C18orf63: variants seen among roughly 807,000 people sequenced by gnomAD.
C18orf63 encodes the protein chromosome 18 open reading frame 63.
In C18orf63, 50 loss-of-function variants were observed where a neutral mutation model predicts 75.3. The ratio of observed to expected loss-of-function variants is 0.66; its 90% CI spans 0.53 to 0.84. The LOEUF (loss-of-function observed/expected upper bound fraction) is 0.84, where lower values mean the gene tolerates loss of function less well. Among genes scored for constraint, C18orf63 ranks in the 40% least tolerant of loss-of-function variants. The pLI is 0.00. For synonymous variants in C18orf63, 232 were observed against 267.6 expected (o/e 0.87, Z 1.30); for missense variants, 732 against 800.2 (o/e 0.91, Z 1.03).
chr18:74,320,620 T>C (rs1405848109), intron 3 of C18orf63, 29 bp downstream of exon 3: 2 of 1,314,734 alleles, frequency 1.5e-6, no homozygotes, highest in Non-Finnish European at 2.1e-6. Flanking sequence ...TGTGAAATGT[T>C]ATTACTAGTT....
chr18:74,316,362 A>G (rs1008751890), intron 1 of C18orf63, among the ~76,000 whole-genome samples: 5 of 152,140 alleles, frequency 3.3e-5, no homozygotes, highest in African/African-American at 9.7e-5. Context: ...ACTCACGTCC[A>G]TTACTGTTCT....
At position 74,357,501 on chromosome 18, in the gene C18orf63, T is replaced by C. The variant is rs2144449158; in HGVS notation, c.*1054T>C. 6.6e-6 allele frequency: 1 copy of C among 152,354 alleles called. No homozygotes were observed. The highest frequency in any genetic ancestry group is 2.1e-4 in the South Asian group (1 of 4,830). The allele number at this position is 152,354 out of a possible 1,614,324, so 9.4% of individuals were successfully genotyped here. ...TATATGTTTGATATACGAAATATTA[T>C]ATAATTGTTGTAATATATTTAAAAG... On this transcript the variant is annotated 3_prime_UTR_variant, in exon 14 of 14. Coordinates refer to ENST00000579455, the MANE Select transcript of C18orf63 (RefSeq NM_001174123.2).
intron 3 of C18orf63, among the ~76,000 whole-genome samples, chr18:74,322,247 A>G (rs1984137004): frequency 6.6e-6 from 1 of 152,180 alleles, no homozygotes; most frequent in Non-Finnish European, 1.5e-5. Flanking sequence ...CCTCACGAAC[A>G]CTGTAGATAT....
In C18orf63 at chr18:74,343,670, T is replaced by A. The variant is rs931400654; in HGVS notation, c.946T>A (p.Tyr316Asn). 2 of 1,531,706 alleles carry A rather than the reference T, an allele frequency of 1.3e-6. No homozygotes were observed. The highest frequency in any genetic ancestry group is 2.7e-5 in the African/African-American group (2 of 72,860). 94.9% of individuals were successfully genotyped at this position (1,531,706 alleles called of 1,614,324 possible). Residue 316 changes from tyrosine (Y) to asparagine (N), a missense_variant, in exon 11 of 14, where the codon TAC (tyrosine) becomes AAC (asparagine). Physicochemically the swap from Tyr to Asn is moderately radical, Grantham distance 143. Around this residue, in one of 3 missense-constraint regions of C18orf63, gnomAD observed 495 missense variants for 508.7 expected, o/e 0.97. Transcript: ENST00000579455. ...AAAGATGACAAGTAAACCATGCTAC[T>A]ACACACAAGAACTAACTAAACCTAA... ...PIKMTSKPCY[Y>N]TQELTKPNIQ...
chr18:74,343,446 A>G (rs1039310572), intron 10 of C18orf63, 73 bp from the exon 11 acceptor site: 10 of 926,452 alleles, frequency 1.1e-5, no homozygotes, highest in African/African-American at 1.7e-5. Context: ...CTACTTTACT[A>G]CTTTTTAAAA....
intron 8 of C18orf63, among the ~76,000 whole-genome samples, chr18:74,339,455 A>G (rs967681810): frequency 6.6e-6 from 1 of 152,134 alleles, no homozygotes; most frequent in African/African-American, 2.4e-5. Flanking sequence ...CAAAAATCTA[A>G]TTTAGTTTTT....
At position 74,353,931 on chromosome 18, in the gene C18orf63, TA is replaced by T. The variant is rs1219302156; in HGVS notation, c.1665del (p.Val557TrpfsTer2). 2.6e-6 allele frequency: 4 copies of T among 1,536,110 alleles called. No homozygotes were observed. In the East Asian group the frequency reaches 9.8e-5, roughly 38 times the overall value. Reference sequence around the variant, plus strand: ...GTATTTGTGGTGTCAAATAACAATTTAGGGGTGGTAAAAAGTGCTGTTGACT... The same window carrying T: ...GTATTTGTGGTGTCAAATAACAATTTGGGGTGGTAAAAAGTGCTGTTGACT... The part of the protein sequence containing the change: ...SAVFVVSNNN[L>X]GVVKSAVDFQ... On this transcript the variant is annotated frameshift_variant, in exon 12 of 14. Transcript: ENST00000579455. LOFTEE classifies it high-confidence loss of function.
chr18:74,319,741 A>T (rs1178808555), intron 2 of C18orf63, among the ~76,000 whole-genome samples: 1 of 151,604 alleles, frequency 6.6e-6, no homozygotes, highest in Non-Finnish European at 1.5e-5. Context: ...CCTGCCCACC[A>T]CCTTTTTTTT....
At chr18:74,333,990 G>A (rs1181558329) in intron 7 of C18orf63, among the ~76,000 whole-genome samples, 2 of 152,072 alleles carry the variant, frequency 1.3e-5, no homozygotes, top group African/African-American at 4.8e-5. Flanking sequence ...CATTCTGACT[G>A]CTACAAAAAT....
chr18:74,325,536 G>T (rs1047411687), intron 4 of C18orf63, among the ~76,000 whole-genome samples: 1 of 152,170 alleles, frequency 6.6e-6, no homozygotes, highest in African/African-American at 2.4e-5. Context: ...TGTTTATTGG[G>T]TCACATTGGT....
At chr18:74,329,295 G>A (rs1398187443) in intron 6 of C18orf63, among the ~76,000 whole-genome samples, 1 of 148,136 alleles carries the variant, frequency 6.8e-6, no homozygotes, top group African/African-American at 2.5e-5. Context: ...AGCCAGTTGA[G>A]CACAGGAGGT....
At chr18:74,329,512 G>C in intron 6 of C18orf63, among the ~76,000 whole-genome samples, 1 of 151,156 alleles carries the variant, frequency 6.6e-6, no homozygotes, top group Non-Finnish European at 1.5e-5. Context: ...TATTCAAAAT[G>C]TACATTCTAG....
intron 3 of C18orf63, among the ~76,000 whole-genome samples, chr18:74,321,294 C>CCT (rs984230584): frequency 4.0e-5 from 6 of 151,642 alleles, no homozygotes; most frequent in Admixed American, 3.9e-4. Flanking sequence ...TCCCTCCCTC[C>CCT]CTCTCTCTCT....
chr18:74,340,304 G>C (rs758591935), intron 8 of C18orf63, among the ~76,000 whole-genome samples: 2 of 152,226 alleles, frequency 1.3e-5, no homozygotes, highest in Non-Finnish European at 1.5e-5. Flanking sequence ...GTCACAATGA[G>C]CGATCACCTC....
chr18:74,341,942 T>A, intron 8 of C18orf63, 90 bp from the exon 9 acceptor site: 1 of 658,512 alleles, frequency 1.5e-6, no homozygotes, highest in Non-Finnish European at 2.6e-6. Context: ...AGTTGTTGAA[T>A]CTTTTTTGAA....
chr18:74,326,718 G>T (rs7242441), intron 4 of C18orf63, among the ~76,000 whole-genome samples: 4 of 152,016 alleles, frequency 2.6e-5, no homozygotes, highest in Non-Finnish European at 5.9e-5. Context: ...GCCTGATGTC[G>T]GATATGTTGT....
chr18:74,341,745 GTA>G (rs903075397), intron 8 of C18orf63, among the ~76,000 whole-genome samples: 5 of 151,160 alleles, frequency 3.3e-5, no homozygotes, highest in African/African-American at 1.2e-4. Flanking sequence ...AAAAAAAAAA[GTA>G]TGTGAGTAAA....
intron 8 of C18orf63, among the ~76,000 whole-genome samples, chr18:74,340,247 T>A (rs1984458360): frequency 6.6e-6 from 1 of 152,146 alleles, no homozygotes; most frequent in Non-Finnish European, 1.5e-5. Flanking sequence ...AACAGGTGTA[T>A]GAAAAAATGC....
chr18:74,352,034 T>C (rs1173451008), intron 11 of C18orf63, among the ~76,000 whole-genome samples: 1 of 151,910 alleles, frequency 6.6e-6, no homozygotes, highest in Non-Finnish European at 1.5e-5. Context: ...GGATAAAATA[T>C]GCTATATAAG....
Sources: gnomAD v4.1 joint callset for allele counts (sites outside exome capture counted in the v4.1 genomes callset) on GRCh38, gnomAD v4.1.1 for gene constraint, gnomAD v4.1.1 regional missense constraint, MANE v1.5 for transcripts, NCBI Gene and HGNC (gene_info 2026-07-23, HGNC 2026-07-21) for gene names.